The following CSTF3 variants were observed in gnomAD, a reference collection of about 807,000 sequenced individuals.
CSTF3 encodes the protein CF-1 77 kDa subunit.
Under a neutral mutation model 105.8 loss-of-function variants are expected in CSTF3, and 29 were observed. The observed-to-expected ratio is 0.27, with a 90% confidence interval of 0.20 to 0.37. CSTF3 has a LOEUF of 0.37. Ranked by LOEUF, CSTF3 falls within the 10% of genes least tolerant of loss-of-function variation. CSTF3 has a pLI of 1.00. For synonymous variants in CSTF3, 252 were observed against 281.9 expected, an observed-to-expected ratio of 0.89 and a Z score of 1.06; for missense variants, 357 against 879.3, an observed-to-expected ratio of 0.41 and a Z score of 7.51.
Position 33,142,142 on chromosome 11 carries a change from T to G in CSTF3, c.28-156A>C, listed in dbSNP as rs77980056. 2.0e-5 allele frequency among the ~76,000 whole-genome samples: 3 copies of G among 152,256 alleles called. No homozygotes were observed. In the East Asian group the frequency reaches 5.8e-4, roughly 29 times the overall value. On this transcript the variant is annotated intron_variant, in intron 1 of 20. Coordinates refer to ENST00000323959, the MANE Select transcript of CSTF3 (RefSeq NM_001326.3). Reference sequence around the variant, plus strand: ...AGAAGTGTGTTTCCTAGAACCGATGTGTACAATCGTCCTTCCTTATCTGTG... The same window carrying G: ...AGAAGTGTGTTTCCTAGAACCGATGGGTACAATCGTCCTTCCTTATCTGTG...
chr11:33,119,696 T>C (rs1554950498), intron 3 of CSTF3, among the ~76,000 whole-genome samples: 1 of 151,840 alleles, frequency 6.6e-6, no homozygotes, highest in Non-Finnish European at 1.5e-5. Context: ...TACTTTTAAC[T>C]TTACATCAGA....
intron 15 of CSTF3, 112 bp from the exon 16 acceptor site, chr11:33,092,452 A>G (rs1460330818): frequency 1.2e-5 from 7 of 601,448 alleles, no homozygotes; most frequent in Non-Finnish European, 1.9e-5. Context: ...AGAAAGGTTT[A>G]ACTATTATCA....
chr11:33,107,806 T>C, intron 5 of CSTF3, 97 bp downstream of exon 5: 2 of 659,788 alleles, frequency 3.0e-6, no homozygotes, highest in Non-Finnish European at 5.1e-6. Context: ...ATCCTGATAA[T>C]TCTTCCCACT....
chr11:33,085,837 A>G, intron 19 of CSTF3, 58 bp downstream of exon 19: 1 of 1,582,098 alleles, frequency 6.3e-7, no homozygotes, highest in Non-Finnish European at 8.7e-7. Context: ...TAGTAACTTT[A>G]TACACAATTA....
chr11:33,089,354 A>AAG (rs1855142239), intron 17 of CSTF3, among the ~76,000 whole-genome samples: 1 of 152,086 alleles, frequency 6.6e-6, no homozygotes, highest in Admixed American at 6.5e-5. Flanking sequence ...CAAAAAAAAA[A>AAG]AAAAAGACAG....
chr11:33,130,734 T>C (rs1244225579), intron 3 of CSTF3, among the ~76,000 whole-genome samples: 1 of 151,986 alleles, frequency 6.6e-6, no homozygotes, highest in Non-Finnish European at 1.5e-5. Flanking sequence ...TAAAAAAATA[T>C]TCAAAGTGGT....
intron 3 of CSTF3, among the ~76,000 whole-genome samples, chr11:33,113,995 C>T (rs452842): frequency 0.029 from 4,435 of 152,208 alleles, 99 homozygotes; most frequent in Middle Eastern, 0.055. Flanking sequence ...TTCATATTTC[C>T]AGGCCTTTGT....
In CSTF3 at chr11:33,099,290, C is replaced by T. The variant is rs1754330030; in HGVS notation, c.937-140G>A. The T allele has an allele frequency of 6.1e-6, 6 of 988,354 alleles. No homozygotes were observed. Among genetic ancestry groups the T allele is most frequent in the South Asian group, 1.8e-5 (1 of 54,794 alleles). 61.2% of individuals were successfully genotyped at this position (988,354 alleles called of 1,614,324 possible). A position where few individuals can be genotyped will look rare whatever the true frequency, so the allele number is the denominator to read the frequency against. ...GTATGTACACACATATATATGTATC[C>T]ACACACACACATACATAAACACATA... On this transcript the variant is annotated intron_variant, in intron 11 of 20. Coordinates refer to ENST00000323959, the MANE Select transcript of CSTF3 (RefSeq NM_001326.3). This position sits in a 1 kb window ranked among gnomAD's most constrained non-coding sequence, Gnocchi z 4.1.
At chr11:33,133,889 G>C (rs1416900675) in intron 3 of CSTF3, among the ~76,000 whole-genome samples, 1 of 152,194 alleles carries the variant, frequency 6.6e-6, no homozygotes, top group African/African-American at 2.4e-5. Context: ...CCTTGGATTA[G>C]ATAATGAATC....
chr11:33,124,474 C>T (rs409516), intron 3 of CSTF3, among the ~76,000 whole-genome samples: 84,482 of 151,890 alleles, frequency 0.56, 26,085 homozygotes, highest in Non-Finnish European at 0.69. Flanking sequence ...AAACTTGTGG[C>T]ACTAAACCAA....
Position 33,138,194 on chromosome 11 carries a change from A to G in CSTF3, c.225+3473T>C, listed in dbSNP as rs140583006. ...CATCGTTGCTATTACCAGCAGCATTACCTTCTTCATTTCTCCTTCAGCCAC... is the reference window on the plus strand; with the variant it reads ...CATCGTTGCTATTACCAGCAGCATTGCCTTCTTCATTTCTCCTTCAGCCAC... On this transcript the variant is annotated intron_variant, in intron 3 of 20. Coordinates refer to ENST00000323959, the MANE Select transcript of CSTF3 (RefSeq NM_001326.3). 1.3e-3 allele frequency among the ~76,000 whole-genome samples: 200 copies of G among 151,910 alleles called. 2 individuals are homozygous for G. Among genetic ancestry groups the G allele is most frequent in the Non-Finnish European group, 2.2e-3 (152 of 67,720 alleles).
At chr11:33,148,844 T>C (rs61887100) in intron 1 of CSTF3, among the ~76,000 whole-genome samples, 30,805 of 149,390 alleles carry the variant, frequency 0.21, 3,778 homozygotes, top group East Asian at 0.35. Context: ...AGCATGTGTG[T>C]GTGTACTGTT....
At chr11:33,135,197 TAC>T (rs1487066643) in intron 3 of CSTF3, among the ~76,000 whole-genome samples, 1 of 152,164 alleles carries the variant, frequency 6.6e-6, no homozygotes, top group African/African-American at 2.4e-5. Flanking sequence ...AAAAAACGGT[TAC>T]AGTTAAAACA....
intron 15 of CSTF3, among the ~76,000 whole-genome samples, chr11:33,094,959 C>G (rs1172661020): frequency 2.0e-5 from 3 of 152,114 alleles, no homozygotes; most frequent in Admixed American, 6.5e-5. Flanking sequence ...AGTACAATGG[C>G]GCAATCTCGG....
At chr11:33,156,869 T>A in intron 1 of CSTF3, 1 of 320,628 alleles carries the variant, frequency 3.1e-6, no homozygotes, top group Non-Finnish European at 6.2e-6. Flanking sequence ...ACTGAATACC[T>A]TTAAGCATCA....
At chr11:33,106,313 G>A (rs574800820) in intron 5 of CSTF3, among the ~76,000 whole-genome samples, 33 of 152,144 alleles carry the variant, frequency 2.2e-4, no homozygotes, top group South Asian at 6.2e-4. Context: ...CTACTCGGAA[G>A]GCTGAGGTGG....
intron 1 of CSTF3, among the ~76,000 whole-genome samples, chr11:33,155,377 T>TA (rs1209208060): frequency 4.7e-5 from 3 of 64,020 alleles, no homozygotes; most frequent in Non-Finnish European, 1.1e-4. Context: ...AAAATAAAAA[T>TA]AAAAAAATTA....
At chr11:33,133,843 T>G (rs1247580051) in intron 3 of CSTF3, among the ~76,000 whole-genome samples, 2 of 152,142 alleles carry the variant, frequency 1.3e-5, no homozygotes, top group Non-Finnish European at 2.9e-5. Flanking sequence ...TGTTCCACAT[T>G]GAAGGAGACT....
At chr11:33,151,939 G>T (rs886424240) in intron 1 of CSTF3, among the ~76,000 whole-genome samples, 3 of 152,120 alleles carry the variant, frequency 2.0e-5, no homozygotes, top group African/African-American at 7.2e-5. Context: ...TTCTCTGATG[G>T]CTATCAAAGT....
Sources: gnomAD v4.1 joint callset for allele counts (sites outside exome capture counted in the v4.1 genomes callset) on GRCh38, gnomAD v4.1.1 for gene constraint, Gnocchi (gnomAD v3.1) non-coding constraint, MANE v1.5 for transcripts, NCBI Gene and HGNC (gene_info 2026-07-23, HGNC 2026-07-21) for gene names.